The following PEPD variants were observed in gnomAD, a reference collection of about 807,000 sequenced individuals.
The protein encoded by PEPD is xaa-Pro dipeptidase.
In PEPD, 53 loss-of-function variants were observed where a neutral mutation model predicts 60.7. The ratio of observed to expected loss-of-function variants is 0.87; its 90% confidence interval spans 0.70 to 1.10. The LOEUF is 1.10. Ranked by LOEUF, PEPD falls within the 50% of genes least tolerant of loss-of-function variation. The pLI is 0.00. For missense variants in PEPD, 711 were observed against 711.9 expected (o/e 1.00, Z 0.01); for synonymous variants, 267 against 284.1 (o/e 0.94, Z 0.60).
chr19:33,498,329 A>G (rs1970647129), intron 4 of PEPD, among the ~76,000 whole-genome samples: 1 of 152,208 alleles, frequency 6.6e-6, no homozygotes, highest in Non-Finnish European at 1.5e-5. Flanking sequence ...ACGAAGACGA[A>G]GAATGAGCCG....
intron 1 of PEPD, among the ~76,000 whole-genome samples, chr19:33,517,123 G>A (rs1329197616): frequency 6.6e-6 from 1 of 152,208 alleles, no homozygotes; most frequent in Non-Finnish European, 1.5e-5. Context: ...GGAGACTACA[G>A]TGAGCTGAGA....
At chr19:33,400,399 T>C (rs1968460637) in intron 12 of PEPD, among the ~76,000 whole-genome samples, 2 of 152,250 alleles carry the variant, frequency 1.3e-5, no homozygotes, top group African/African-American at 4.8e-5. Context: ...TTTCCACCTC[T>C]GTGAATTTGT....
chr19:33,492,123 C>T (rs928031899), intron 5 of PEPD, among the ~76,000 whole-genome samples: 2 of 151,478 alleles, frequency 1.3e-5, no homozygotes, highest in African/African-American at 4.9e-5. Flanking sequence ...ATATGAAACT[C>T]CCAAGCTCAA....
At chr19:33,513,260 C>T (rs913294884) in intron 1 of PEPD, among the ~76,000 whole-genome samples, 3 of 152,162 alleles carry the variant, frequency 2.0e-5, no homozygotes, top group African/African-American at 7.2e-5. Context: ...CTAACTGGCT[C>T]CCTCCCTCAG....
At chr19:33,418,248 G>A (rs1968933051) in intron 9 of PEPD, among the ~76,000 whole-genome samples, 1 of 152,104 alleles carries the variant, frequency 6.6e-6, no homozygotes, top group South Asian at 2.1e-4. Flanking sequence ...ATATTTTCTG[G>A]GTACACATGA....
intron 12 of PEPD, among the ~76,000 whole-genome samples, chr19:33,400,814 T>C (rs1382268363): frequency 2.0e-5 from 3 of 152,206 alleles, no homozygotes; most frequent in Non-Finnish European, 4.4e-5. Flanking sequence ...GTTTCTATTG[T>C]TGCAGGGCAG....
chr19:33,473,326 C>T (rs972371489), intron 7 of PEPD, among the ~76,000 whole-genome samples: 3 of 152,202 alleles, frequency 2.0e-5, no homozygotes, highest in South Asian at 2.1e-4. Context: ...TCATCATCTA[C>T]GTATCTTTTC....
At chr19:33,427,124 A>G (rs915387573) in intron 9 of PEPD, among the ~76,000 whole-genome samples, 1 of 152,206 alleles carries the variant, frequency 6.6e-6, no homozygotes. Context: ...ATCACTTTGA[A>G]AGTCTTTATC....
At chr19:33,408,902 C>T (rs1280632206) in intron 11 of PEPD, among the ~76,000 whole-genome samples, 1 of 152,222 alleles carries the variant, frequency 6.6e-6, no homozygotes, top group Admixed American at 6.5e-5. Flanking sequence ...CTGGCAGTAG[C>T]AGTAATCAAC....
intron 9 of PEPD, among the ~76,000 whole-genome samples, chr19:33,416,765 G>A (rs907202180): frequency 1.3e-5 from 2 of 152,236 alleles, no homozygotes; most frequent in African/African-American, 4.8e-5. Context: ...CAAGACTCGG[G>A]TAGAAGAGGC....
In PEPD at chr19:33,387,286, A is replaced by C; in HGVS notation, c.*58T>G. Reference sequence around the variant, plus strand: ...TGGAGTGCTGACCAGCAGGCTGCCCATCACGAAAAGAGGTTGCAAGGCCAG... The same window carrying C: ...TGGAGTGCTGACCAGCAGGCTGCCCCTCACGAAAAGAGGTTGCAAGGCCAG... On this transcript the variant is annotated 3_prime_UTR_variant, in exon 15 of 15. Coordinates refer to ENST00000244137, the MANE Select transcript of PEPD (RefSeq NM_000285.4). 6.2e-7 allele frequency: 1 copy of C among 1,605,432 alleles called. No individual in the cohort carries two copies. Among genetic ancestry groups the C allele is most frequent in the Middle Eastern group, 1.8e-4 (1 of 5,556 alleles).
intron 6 of PEPD, among the ~76,000 whole-genome samples, chr19:33,486,592 C>T (rs1226963037): frequency 6.6e-6 from 1 of 152,156 alleles, no homozygotes; most frequent in Non-Finnish European, 1.5e-5. Context: ...GCTCCTTGTC[C>T]TCTGCTGTCC....
chr19:33,391,363 C>T lies in PEPD; in HGVS notation c.1084G>A (p.Val362Met), dbSNP rs779628053. 5.6e-6 allele frequency: 9 copies of T among 1,609,486 alleles called. No homozygotes were observed. The highest frequency in any genetic ancestry group is 1.3e-5 in the African/African-American group (1 of 74,894). The change falls in exon 13 of 15, where the codon GTG becomes ATG. Residue 362 changes from valine to methionine, a missense_variant. Transcript: ENST00000244137. ...TGGCCAAGCCCGTGAGGCATAAACACGGCCCCCAGGTGAGCCTGGACCATG... is the reference window on the plus strand; with the variant it reads ...TGGCCAAGCCCGTGAGGCATAAACATGGCCCCCAGGTGAGCCTGGACCATG... ...DAMVQAHLGA[V>M]FMPHGLGHFL...
At chr19:33,493,924 C>T (rs1022795720) in intron 4 of PEPD, among the ~76,000 whole-genome samples, 40 of 152,338 alleles carry the variant, frequency 2.6e-4, no homozygotes, top group African/African-American at 8.4e-4. Flanking sequence ...ATCTGCATGC[C>T]GGGCCAGCTC....
rs568358525 is a variant in PEPD at position 33,389,511 on chromosome 19, G to A, written c.1153-1430C>T. Among the ~76,000 whole-genome samples, 5 of 149,796 alleles carry A rather than the reference G, an allele frequency of 3.3e-5. No individual in the cohort carries two copies. In the South Asian group the frequency reaches 6.3e-4, roughly 19 times the overall value. ...CTGTGCTGGGCTCCCCCACCCCACC[G>A]CCGCCCATCCCTCTCCTTCATGCTA... On this transcript the variant is annotated intron_variant, in intron 13 of 14. Coordinates refer to ENST00000244137, the MANE Select transcript of PEPD (RefSeq NM_000285.4).
At chr19:33,478,158 A>C in intron 6 of PEPD, 68 bp from the exon 7 acceptor site, 372 of 987,792 alleles carry the variant, frequency 3.8e-4, no homozygotes, top group Middle Eastern at 6.1e-4. Flanking sequence ...GAACTACCTC[A>C]TTCAAGACAT....
In PEPD at chr19:33,431,992, C is replaced by CAAAAAAAAAAAAAAAAAAAAAAAAA. The variant is rs906879187; in HGVS notation, c.672-18350_672-18349insTTTTTTTTTTTTTTTTTTTTTTTTT. Reference sequence around the variant, plus strand: ...TGGGTAACAGAGCAAGACACCACCTCAAAAAAAAAAAAAAAAAAGGGAAGA... The same window carrying CAAAAAAAAAAAAAAAAAAAAAAAAA: ...TGGGTAACAGAGCAAGACACCACCTCAAAAAAAAAAAAAAAAAAAAAAAAAAAAAAAAAAAAAAAAAAAGGGAAGA... On this transcript the variant is annotated intron_variant, in intron 9 of 14. Transcript: ENST00000244137. 8.0e-4 allele frequency among the ~76,000 whole-genome samples: 62 copies of CAAAAAAAAAAAAAAAAAAAAAAAAA among 77,828 alleles called. 2 individuals are homozygous for CAAAAAAAAAAAAAAAAAAAAAAAAA. The highest frequency in any genetic ancestry group is 2.3e-3 in the East Asian group (5 of 2,180). 51.1% of individuals were successfully genotyped at this position (77,828 alleles called of 152,430 possible).
At chr19:33,413,229 CGGTCCCCACATGCTGTGTGTGT>C (rs895730326) in intron 10 of PEPD, among the ~76,000 whole-genome samples, 1 of 152,226 alleles carries the variant, frequency 6.6e-6, no homozygotes, top group Non-Finnish European at 1.5e-5. Context: ...GCTCACAGCC[CGGTCCCCACATGCTGTGTGTGT>C]GCCCGTGTGG....
In PEPD at chr19:33,512,756, T is replaced by G; in HGVS notation, c.38A>C (p.Asn13Thr). The part of the protein sequence containing the change: ...AATGPSFWLG[N>T]ETLKVPLALF... ...CGCCAGCGGCACCTTCAGGGTTTCA[T>G]TCCCCAGCCAAAACGAGGGTCTGCA... is the stretch of plus-strand genomic sequence containing the variant. The change falls in exon 2 of 15, where the codon AAT (asparagine) becomes ACT (threonine). Residue 13 changes from asparagine to threonine, a missense_variant. Physicochemically the swap from Asn to Thr is moderately conservative, Grantham distance 65. Transcript: ENST00000244137. 6.2e-7 allele frequency: 1 copy of G among 1,614,064 alleles called. No individual in the cohort carries two copies. The highest frequency in any genetic ancestry group is 2.2e-5 in the East Asian group (1 of 44,858).
Sources: allele counts gnomAD v4.1 joint callset (sites outside exome capture counted in the v4.1 genomes callset), GRCh38; gene constraint gnomAD v4.1.1; transcripts MANE v1.5; gene names NCBI Gene and HGNC (gene_info 2026-07-23, HGNC 2026-07-21).